Variants in EED observed in about 807,000 individuals in gnomAD.
EED encodes the protein embryonic ectoderm development, also known as polycomb protein EED.
EED carries 9 observed loss-of-function variants against 61.0 expected under a neutral mutation model. The observed-to-expected ratio is 0.15, with a 90% confidence interval of 0.09 to 0.26. The LOEUF (loss-of-function observed/expected upper bound fraction) is 0.26, where lower values mean the gene tolerates loss of function less well. Among genes scored for constraint, EED ranks in the 10% least tolerant of loss-of-function variants. The pLI is 1.00. For synonymous variants in EED, 187 were observed against 174.4 expected (o/e 1.07, Z -0.57); for missense variants, 315 against 542.3 (o/e 0.58, Z 4.16).
Position 86,276,995 on chromosome 11 carries a change from A to G in EED, c.982A>G (p.Ile328Val), listed in dbSNP as rs947096920. The change falls in exon 10 of 12, where the codon ATT becomes GTT. Residue 328 changes from isoleucine to valine, a missense_variant. Ile to Val is a conservative substitution (Grantham distance 29, BLOSUM62 3). Coordinates refer to ENST00000263360, the MANE Select transcript of EED (RefSeq NM_003797.5). ...LILSKSCENA[I>V]VCWKPGKMED... Reference sequence around the variant, plus strand: ...TCTGTTTTAGTCTTGTGAAAATGCCATTGTGTGCTGGAAACCTGGCAAGAT... The same window carrying G: ...TCTGTTTTAGTCTTGTGAAAATGCCGTTGTGTGCTGGAAACCTGGCAAGAT... 2.6e-6 allele frequency: 4 copies of G among 1,515,852 alleles called. No homozygotes were observed. The highest frequency in any genetic ancestry group is 2.3e-5 in the East Asian group (1 of 42,926). 93.9% of individuals were successfully genotyped at this position (1,515,852 alleles called of 1,614,324 possible).
In EED at chr11:86,264,334, C is replaced by T. The variant is rs146233392; in HGVS notation, c.726+71C>T. The T allele has an allele frequency of 8.6e-4, 949 of 1,102,174 alleles. 3 individuals are homozygous for T. In the African/African-American group the frequency reaches 0.012, roughly 14 times the overall value. 68.3% of individuals were successfully genotyped at this position (1,102,174 alleles called of 1,614,324 possible). On this transcript the variant is annotated intron_variant, in intron 7 of 11. Coordinates refer to ENST00000263360, the MANE Select transcript of EED (RefSeq NM_003797.5). ...GTGAACAGTCTCCATGGAACTGTTT[C>T]CTTATAAGAAAGTGTGTTTCATGTA...
Position 86,244,982 on chromosome 11 carries a change from A to C in EED, c.-248A>C. On this transcript the variant is annotated 5_prime_UTR_variant, in exon 1 of 12. Transcript: ENST00000263360. ...GGCGGCGGGAAAAGGGCAAGACGGG[A>C]GTTGGGGAAGGGAAGGAGCCAGGAA... 7.3e-6 allele frequency: 3 copies of C among 408,758 alleles called. No individual in the cohort carries two copies. Among genetic ancestry groups the C allele is most frequent in the Non-Finnish European group, 8.8e-6 (2 of 227,686 alleles). The allele number at this position is 408,758 out of a possible 1,614,324, so 25.3% of individuals were successfully genotyped here. A position where few individuals can be genotyped will look rare whatever the true frequency, so the allele number is the denominator to read the frequency against.
intron 9 of EED, chr11:86,269,951 A>C: frequency 1.8e-6 from 1 of 557,602 alleles, no homozygotes; most frequent in Non-Finnish European, 3.2e-6. Flanking sequence ...TAAAGCTGCT[A>C]ATCAGCAGTT....
intron 1 of EED, 96 bp downstream of exon 1, chr11:86,245,439 G>C: frequency 1.3e-5 from 13 of 964,170 alleles, no homozygotes; most frequent in Middle Eastern, 2.5e-4. Context: ...GCTGTGGGGG[G>C]AGGGAGAGGT....
At chr11:86,257,951 T>C (rs915107037) in intron 6 of EED, among the ~76,000 whole-genome samples, 6 of 152,266 alleles carry the variant, frequency 3.9e-5, no homozygotes, top group Non-Finnish European at 8.8e-5. Context: ...TAGTTTACTT[T>C]GGCATGTACA....
the EED span, among the ~76,000 whole-genome samples, chr11:86,285,858 C>T: frequency 6.6e-6 from 1 of 151,980 alleles, no homozygotes; most frequent in Non-Finnish European, 1.5e-5. Flanking sequence ...CTCAGCCTCC[C>T]AAGGTGCTGG....
intron 1 of EED, among the ~76,000 whole-genome samples, chr11:86,246,246 C>A (rs1945388793): frequency 6.6e-6 from 1 of 152,160 alleles, no homozygotes; most frequent in South Asian, 2.1e-4. Flanking sequence ...AGGTTGATAA[C>A]CAGTAAGGTC....
At chr11:86,258,798 C>T (rs934618781) in intron 6 of EED, among the ~76,000 whole-genome samples, 8 of 151,838 alleles carry the variant, frequency 5.3e-5, no homozygotes, top group Admixed American at 2.6e-4. Context: ...TCAGTTGATC[C>T]GCCTGTCTCA....
intron 3 of EED, 87 bp from the exon 4 acceptor site, chr11:86,255,133 TAG>T: frequency 2.0e-6 from 2 of 1,014,406 alleles, no homozygotes; most frequent in Non-Finnish European, 3.0e-6. Flanking sequence ...ATATTTAAGA[TAG>T]GATTGCGATT....
intron 9 of EED, among the ~76,000 whole-genome samples, chr11:86,268,933 A>G (rs1182828422): frequency 6.6e-6 from 1 of 152,174 alleles, no homozygotes; most frequent in Non-Finnish European, 1.5e-5. Flanking sequence ...ATTTATAAAA[A>G]CAGGTGGCTG....
At chr11:86,256,666 C>A (rs575626060) in intron 5 of EED, among the ~76,000 whole-genome samples, 154 bp downstream of exon 5, 2 of 152,242 alleles carry the variant, frequency 1.3e-5, no homozygotes, top group African/African-American at 4.8e-5. Context: ...TCTTTTGAGA[C>A]GTTTGTCACA....
At chr11:86,266,057 A>G (rs748653059) in intron 7 of EED, 26 bp from the exon 8 acceptor site, 129 of 1,555,890 alleles carry the variant, frequency 8.3e-5, no homozygotes, top group Non-Finnish European at 1.1e-4. Flanking sequence ...TGTAATTTAT[A>G]TAAAACTTTT....
chr11:86,248,347 C>T (rs1366722795), intron 1 of EED, among the ~76,000 whole-genome samples: 1 of 152,156 alleles, frequency 6.6e-6, no homozygotes, highest in Non-Finnish European at 1.5e-5. Flanking sequence ...AAGCAACGTG[C>T]CCTATTAACG....
At chr11:86,286,143 G>A in the EED span, among the ~76,000 whole-genome samples, 6 of 151,868 alleles carry the variant, frequency 4.0e-5, no homozygotes, top group Non-Finnish European at 8.8e-5. Context: ...CAATTCTCCT[G>A]TCTCAGCCTC....
chr11:86,254,173 A>G (rs1005346306), intron 3 of EED, among the ~76,000 whole-genome samples: 3 of 151,672 alleles, frequency 2.0e-5, no homozygotes, highest in Non-Finnish European at 2.9e-5. Flanking sequence ...GAAAAAGGCT[A>G]TCATACATGT....
At chr11:86,249,910 A>G (rs568043409) in intron 1 of EED, among the ~76,000 whole-genome samples, 50 of 152,352 alleles carry the variant, frequency 3.3e-4, no homozygotes, top group African/African-American at 1.1e-3. Context: ...TTTAAGAGTC[A>G]CAGCTTTGGG....
chr11:86,254,687 A>T (rs1945625017), intron 3 of EED, among the ~76,000 whole-genome samples: 1 of 151,430 alleles, frequency 6.6e-6, no homozygotes, highest in South Asian at 2.1e-4. Flanking sequence ...CAATGGTGCA[A>T]TCTCGGCTCA....
the EED span, among the ~76,000 whole-genome samples, chr11:86,285,092 C>T: frequency 2.0e-5 from 3 of 151,934 alleles, no homozygotes; most frequent in East Asian, 5.8e-4. Flanking sequence ...GCCTGGGCAA[C>T]AGAGTGAGAC....
intron 3 of EED, 36 bp from the exon 4 acceptor site, chr11:86,255,186 T>C: frequency 6.6e-7 from 1 of 1,519,952 alleles, no homozygotes; most frequent in East Asian, 2.3e-5. Flanking sequence ...TTTTCTATAC[T>C]TGAGATGAAA....
Sources: gnomAD v4.1 joint callset for allele counts (sites outside exome capture counted in the v4.1 genomes callset) on GRCh38, gnomAD v4.1.1 for gene constraint, MANE v1.5 for transcripts, NCBI Gene and HGNC (gene_info 2026-07-23, HGNC 2026-07-21) for gene names.